The following LRFN2 variants were observed in gnomAD, a reference collection of about 807,000 sequenced individuals.
LRFN2 encodes the protein leucine-rich repeat and fibronectin type-III domain-containing protein 2.
LRFN2 carries 18 observed loss-of-function variants against 37.3 expected under a neutral mutation model. The ratio of observed to expected loss-of-function variants is 0.48; its 90% CI spans 0.33 to 0.72. The LOEUF (loss-of-function observed/expected upper bound fraction) is 0.72, where lower values mean the gene tolerates loss of function less well. Ranked by LOEUF, LRFN2 falls within the 30% of genes least tolerant of loss-of-function variation. The pLI is 0.02. For synonymous variants in LRFN2, 556 were observed against 466.6 expected (o/e 1.19, Z -2.47); for missense variants, 1,006 against 1,060.7 (o/e 0.95, Z 0.72).
chr6:40,449,290 T>A (rs1764047028), intron 1 of LRFN2, among the ~76,000 whole-genome samples: 1 of 152,242 alleles, frequency 6.6e-6, no homozygotes, highest in Non-Finnish European at 1.5e-5. Context: ...ATATACAAAT[T>A]GTAAATTTAC....
intron 1 of LRFN2, among the ~76,000 whole-genome samples, chr6:40,461,997 T>C (rs1214235404): frequency 6.6e-6 from 1 of 152,220 alleles, no homozygotes; most frequent in Non-Finnish European, 1.5e-5. Context: ...TTGCTGGACC[T>C]CTTAATTCTG....
intron 2 of LRFN2, among the ~76,000 whole-genome samples, chr6:40,399,507 G>A (rs1279016996): frequency 3.6e-5 from 5 of 137,478 alleles, no homozygotes; most frequent in African/African-American, 8.1e-5. Flanking sequence ...GCGATCTCTC[G>A]GCTCACTGCA....
chr6:40,549,524 T>C (rs1437052762), intron 1 of LRFN2, among the ~76,000 whole-genome samples: 2 of 152,116 alleles, frequency 1.3e-5, no homozygotes, highest in African/African-American at 4.8e-5. Context: ...AAGTGGCCCA[T>C]TGAGAGAAAA....
At chr6:40,482,412 A>G (rs1255224651) in intron 1 of LRFN2, among the ~76,000 whole-genome samples, 1 of 151,740 alleles carries the variant, frequency 6.6e-6, no homozygotes, top group East Asian at 1.9e-4. Context: ...AGGAGCCTCC[A>G]CCATCCTCAG....
intron 1 of LRFN2, among the ~76,000 whole-genome samples, chr6:40,482,805 G>A (rs1400579298): frequency 6.6e-6 from 1 of 152,198 alleles, no homozygotes; most frequent in Non-Finnish European, 1.5e-5. Flanking sequence ...GGCTCAGGCT[G>A]GAGTGGAGGA....
In LRFN2 at chr6:40,432,133, G is replaced by T. The variant is rs965063896; in HGVS notation, c.981C>A (p.Asp327Glu). 3 of 1,613,852 alleles carry T rather than the reference G, an allele frequency of 1.9e-6. No homozygotes were observed. Among genetic ancestry groups the T allele is most frequent in the Non-Finnish European group, 2.5e-6 (3 of 1,179,970 alleles). The change falls in exon 2 of 3, where the codon GAC (aspartate) becomes GAA (glutamate). Residue 327 changes from aspartate (D) to glutamate (E), a missense_variant. Asp to Glu is a conservative substitution (Grantham distance 45). This residue lies in a region of LRFN2 where 303 missense variants were observed against 299.8 expected (regional missense o/e 1.01). Transcript: ENST00000338305. Reference sequence around the variant, plus strand: ...TCCTTGAGGAGTTCCCTACCAGGCGGTCATCGGGGGCTACCCAGTGGATAA... The same window carrying T: ...TCCTTGAGGAGTTCCCTACCAGGCGTTCATCGGGGGCTACCCAGTGGATAA... ...SPLIHWVAPD[D>E]RLVGNSSRTA...
At chr6:40,577,068 T>A in intron 1 of LRFN2, among the ~76,000 whole-genome samples, 1 of 147,838 alleles carries the variant, frequency 6.8e-6, no homozygotes, top group Admixed American at 6.8e-5. Flanking sequence ...TGGGTCCTGG[T>A]CCAAGGCCCA....
In LRFN2 at chr6:40,392,169, T is replaced by G; in HGVS notation, c.2144A>C (p.Glu715Ala). The G allele has an allele frequency of 6.3e-7, 1 of 1,599,472 alleles. No individual in the cohort carries two copies. ...RARSLLPLPL[E>A]GKAKRSHSFD... ...GGAGTGGCTGCGTTTGGCCTTGCCCTCCAACGGCAAGGGGAGCAGGCTCCT... is the reference window on the plus strand; with the variant it reads ...GGAGTGGCTGCGTTTGGCCTTGCCCGCCAACGGCAAGGGGAGCAGGCTCCT... Residue 715 changes from glutamate to alanine, a missense_variant, in exon 3 of 3, where the codon GAG (glutamate) becomes GCG (alanine). Around this residue, in one of 4 missense-constraint regions of LRFN2, gnomAD observed 398 missense variants for 327.6 expected, o/e 1.21. Coordinates refer to ENST00000338305, the MANE Select transcript of LRFN2 (RefSeq NM_020737.3). The surrounding 1 kb of genome is among the most constrained non-coding windows in gnomAD (Gnocchi z 4.7).
At chr6:40,426,857 A>C (rs538896122) in intron 2 of LRFN2, among the ~76,000 whole-genome samples, 1 of 152,318 alleles carries the variant, frequency 6.6e-6, no homozygotes, top group African/African-American at 2.4e-5. Flanking sequence ...TCCCAGATTA[A>C]ACATATTAAA....
At position 40,391,771 on chromosome 6, in the gene LRFN2, G is replaced by A; in HGVS notation, c.*172C>T. The A allele has an allele frequency of 1.8e-6, 1 of 569,440 alleles. No homozygotes were observed. The highest frequency in any genetic ancestry group is 2.8e-6 in the Non-Finnish European group (1 of 353,838). The allele number at this position is 569,440 out of a possible 1,614,324, so 35.3% of individuals were successfully genotyped here. A position where few individuals can be genotyped will look rare whatever the true frequency, so the allele number is the denominator to read the frequency against. ...CCTGAGCACACCCCGGCCGGGTGGT[G>A]GGGAGGTGATGTGGGTGTTGCGGGG... On this transcript the variant is annotated 3_prime_UTR_variant, in exon 3 of 3. Transcript: ENST00000338305.
intron 2 of LRFN2, among the ~76,000 whole-genome samples, chr6:40,429,212 A>C (rs888553918): frequency 1.3e-5 from 2 of 152,260 alleles, no homozygotes; most frequent in Non-Finnish European, 2.9e-5. Flanking sequence ...ATCAAATAAA[A>C]GTAATTTGAA....
intron 1 of LRFN2, among the ~76,000 whole-genome samples, chr6:40,447,609 C>T (rs1764002318): frequency 6.6e-6 from 1 of 152,094 alleles, no homozygotes; most frequent in Non-Finnish European, 1.5e-5. Flanking sequence ...TAGATGATAT[C>T]ATCATCATCA....
At chr6:40,418,870 A>C (rs960233718) in intron 2 of LRFN2, among the ~76,000 whole-genome samples, 16 of 152,252 alleles carry the variant, frequency 1.1e-4, no homozygotes, top group African/African-American at 3.9e-4. Flanking sequence ...TTTGTGTGAC[A>C]TTCAAGGCTA....
At chr6:40,466,007 G>T (rs1023527878) in intron 1 of LRFN2, among the ~76,000 whole-genome samples, 5 of 152,150 alleles carry the variant, frequency 3.3e-5, no homozygotes, top group African/African-American at 1.2e-4. Context: ...GTCTACCAGG[G>T]GTTTACTTAG....
intron 2 of LRFN2, among the ~76,000 whole-genome samples, chr6:40,427,209 C>T (rs1318718390): frequency 1.3e-5 from 2 of 152,244 alleles, no homozygotes; most frequent in Non-Finnish European, 2.9e-5. Flanking sequence ...ACTGGCAGTA[C>T]AGAAATGGAA....
chr6:40,518,125 G>A (rs1475235349), intron 1 of LRFN2, among the ~76,000 whole-genome samples: 2 of 151,996 alleles, frequency 1.3e-5, no homozygotes, highest in Non-Finnish European at 2.9e-5. Flanking sequence ...GCTCCCTCTG[G>A]GCCTCAGTTT....
chr6:40,539,141 A>C (rs1766505643), intron 1 of LRFN2, among the ~76,000 whole-genome samples: 3 of 149,898 alleles, frequency 2.0e-5, no homozygotes, highest in South Asian at 2.1e-4. Flanking sequence ...CCTCCCACCC[A>C]CCCCAACTAC....
chr6:40,584,255 G>A (rs188169026), intron 1 of LRFN2, among the ~76,000 whole-genome samples: 66 of 152,296 alleles, frequency 4.3e-4, no homozygotes, highest in African/African-American at 1.6e-3. Context: ...TCTGAAAAGC[G>A]GTTTGGGGAC....
At chr6:40,569,747 C>T (rs923069020) in intron 1 of LRFN2, among the ~76,000 whole-genome samples, 8 of 152,182 alleles carry the variant, frequency 5.3e-5, no homozygotes, top group African/African-American at 1.9e-4. Flanking sequence ...AGTAATCCAT[C>T]CTCCACACAG....
Sources: gnomAD v4.1 joint callset for allele counts (sites outside exome capture counted in the v4.1 genomes callset) on GRCh38, gnomAD v4.1.1 for gene constraint, gnomAD v4.1.1 regional missense constraint, Gnocchi (gnomAD v3.1) non-coding constraint, MANE v1.5 for transcripts, NCBI Gene and HGNC (gene_info 2026-07-23, HGNC 2026-07-21) for gene names.